GULP1: variants seen among roughly 807,000 people sequenced by gnomAD.
GULP1 encodes PTB domain-containing engulfment adapter protein 1.
In GULP1, 19 loss-of-function variants were observed where a neutral mutation model predicts 40.9. The observed-to-expected ratio is 0.46, with a 90% CI of 0.32 to 0.68. The LOEUF (loss-of-function observed/expected upper bound fraction) is 0.68, where lower values mean the gene tolerates loss of function less well. Among genes scored for constraint, GULP1 ranks in the 30% least tolerant of loss-of-function variants. The pLI, the probability that GULP1 is intolerant of heterozygous loss-of-function variation, is 0.03. For synonymous variants in GULP1, 119 were observed against 117.6 expected (o/e 1.01, Z -0.08); for missense variants, 312 against 362.2 (o/e 0.86, Z 1.12).
chr2:188,426,778 A>G (rs993075112), intron 2 of GULP1, among the ~76,000 whole-genome samples: 20 of 152,240 alleles, frequency 1.3e-4, no homozygotes, highest in African/African-American at 4.8e-4. Flanking sequence ...GAGCATTGTT[A>G]TAAAGATACC....
rs56274020 is a variant in GULP1, at chr2:188,368,939, G to GTATATATATATA, written c.-171-14796_-171-14785dup. Among the ~76,000 whole-genome samples, 638 of 85,944 alleles carry GTATATATATATA rather than the reference G, an allele frequency of 7.4e-3. 4 individuals are homozygous for GTATATATATATA. The highest frequency in any genetic ancestry group is 9.3e-3 in the Non-Finnish European group (409 of 43,880). 56.4% of individuals were successfully genotyped at this position (85,944 alleles called of 152,430 possible). On this transcript the variant is annotated intron_variant, in intron 1 of 11. Transcript: ENST00000409830. ...TATATATATGTATATATATATGTGT[G>GTATATATATATA]TATATATATATATATATATATATAT...
intron 4 of GULP1, among the ~76,000 whole-genome samples, chr2:188,519,352 C>T (rs988735188): frequency 2.0e-5 from 3 of 152,128 alleles, no homozygotes; most frequent in Admixed American, 6.5e-5. Context: ...GCCTTATTTG[C>T]ATATAATACT....
chr2:188,407,482 G>A (rs1158883553), intron 2 of GULP1, among the ~76,000 whole-genome samples: 1 of 152,202 alleles, frequency 6.6e-6, no homozygotes, highest in Non-Finnish European at 1.5e-5. Context: ...GTAAAAGGAT[G>A]TAAATTATGA....
chr2:188,451,395 G>A (rs1283206406), intron 2 of GULP1, among the ~76,000 whole-genome samples: 3 of 152,164 alleles, frequency 2.0e-5, no homozygotes, highest in Admixed American at 2.0e-4. Context: ...TTGGAAACAT[G>A]AGAAAACTCC....
intron 2 of GULP1, among the ~76,000 whole-genome samples, chr2:188,424,149 A>C (rs2055832240): frequency 1.3e-5 from 2 of 151,912 alleles, no homozygotes; most frequent in Admixed American, 6.6e-5. Flanking sequence ...TGTTATTTGG[A>C]TTGATGAAAA....
At chr2:188,535,357 A>G (rs1688662289) in intron 6 of GULP1, among the ~76,000 whole-genome samples, 1 of 151,330 alleles carries the variant, frequency 6.6e-6, no homozygotes, top group Non-Finnish European at 1.5e-5. Context: ...CATCCACTTT[A>G]AAAGTTACCC....
chr2:188,489,705 GT>G (rs1183273758), intron 4 of GULP1, among the ~76,000 whole-genome samples: 1 of 152,008 alleles, frequency 6.6e-6, no homozygotes, highest in Non-Finnish European at 1.5e-5. Context: ...ACTGACACGT[GT>G]TTAAAAGGAA....
At chr2:188,371,585 A>G (rs2047604442) in intron 1 of GULP1, among the ~76,000 whole-genome samples, 1 of 152,160 alleles carries the variant, frequency 6.6e-6, no homozygotes, top group South Asian at 2.1e-4. Flanking sequence ...TTTGAAAATA[A>G]AATGTCATTA....
chr2:188,541,207 T>C lies in GULP1; in HGVS notation c.288T>C (p.His96=), dbSNP rs767673235. ...TKEVQHNCQL[H]RISFCADDKT... The stretch of plus-strand genomic sequence containing the variant: ...AAGTTCAACACAATTGCCAGCTTCA[T>C]AGAATATCTTTTTGTGCAGATGATA... The change falls in exon 7 of 12, where the codon CAT becomes CAC. Residue 96 remains histidine, a synonymous_variant. Coordinates refer to ENST00000409830, the MANE Select transcript of GULP1 (RefSeq NM_016315.4). 1.9e-6 allele frequency: 3 copies of C among 1,612,708 alleles called. No homozygotes were observed. Among genetic ancestry groups the C allele is most frequent in the African/African-American group, 1.3e-5 (1 of 74,904 alleles).
intron 2 of GULP1, among the ~76,000 whole-genome samples, chr2:188,435,659 C>A (rs1406647449): frequency 6.6e-6 from 1 of 152,072 alleles, no homozygotes; most frequent in Non-Finnish European, 1.5e-5. Context: ...AAGGAGTTTT[C>A]TGGGCTGTAT....
chr2:188,501,587 G>A (rs2063439341), intron 4 of GULP1, among the ~76,000 whole-genome samples: 1 of 151,844 alleles, frequency 6.6e-6, no homozygotes, highest in African/African-American at 2.4e-5. Context: ...CATGCCACCA[G>A]GTATGAGACC....
At chr2:188,395,808 G>A (rs1489302359) in intron 2 of GULP1, among the ~76,000 whole-genome samples, 1 of 152,172 alleles carries the variant, frequency 6.6e-6, no homozygotes. Context: ...ATCCAGTGTT[G>A]TGACCTATTC....
intron 4 of GULP1, among the ~76,000 whole-genome samples, chr2:188,499,653 C>T (rs781212032): frequency 7.9e-5 from 12 of 151,678 alleles, no homozygotes; most frequent in African/African-American, 1.7e-4. Context: ...AAAAGTAAAA[C>T]CTGGTCTTCT....
At chr2:188,507,047 C>G (rs1475724120) in intron 4 of GULP1, among the ~76,000 whole-genome samples, 2 of 151,858 alleles carry the variant, frequency 1.3e-5, no homozygotes, top group African/African-American at 2.4e-5. Flanking sequence ...TTTTGCCAGA[C>G]CATCCACCCA....
chr2:188,565,237 T>C (rs1697360579), intron 7 of GULP1, among the ~76,000 whole-genome samples: 1 of 151,956 alleles, frequency 6.6e-6, no homozygotes, highest in Non-Finnish European at 1.5e-5. Flanking sequence ...TGTTAATCTA[T>C]AAACACTATC....
chr2:188,324,410 C>T (rs1307052849), intron 1 of GULP1, among the ~76,000 whole-genome samples: 1 of 152,048 alleles, frequency 6.6e-6, no homozygotes, highest in Non-Finnish European at 1.5e-5. Flanking sequence ...TTTCAATGCT[C>T]TATCTTCAAG....
intron 2 of GULP1, among the ~76,000 whole-genome samples, chr2:188,386,618 A>G (rs925146612): frequency 6.6e-6 from 1 of 152,178 alleles, no homozygotes; most frequent in South Asian, 2.1e-4. Flanking sequence ...ATTGATATGT[A>G]CATCACTTGG....
chr2:188,465,770 C>T, intron 2 of GULP1, among the ~76,000 whole-genome samples: 1 of 152,112 alleles, frequency 6.6e-6, no homozygotes, highest in South Asian at 2.1e-4. Context: ...AGCTCTTACT[C>T]TCCCCAGTGC....
intron 7 of GULP1, among the ~76,000 whole-genome samples, chr2:188,546,089 C>T: frequency 6.6e-6 from 1 of 151,858 alleles, no homozygotes; most frequent in East Asian, 1.9e-4. Flanking sequence ...GAAACAAAAA[C>T]AGATAGAACT....
Sources: allele counts gnomAD v4.1 joint callset (sites outside exome capture counted in the v4.1 genomes callset), GRCh38; gene constraint gnomAD v4.1.1; transcripts MANE v1.5; gene names NCBI Gene and HGNC (gene_info 2026-07-23, HGNC 2026-07-21).